GDA: variants seen among roughly 807,000 people sequenced by gnomAD.
GDA encodes cytoplasmic PSD-95 interactor.
GDA carries 18 observed loss-of-function variants against 59.6 expected under a neutral mutation model. The ratio of observed to expected loss-of-function variants is 0.30; its 90% CI spans 0.21 to 0.45. The LOEUF (loss-of-function observed/expected upper bound fraction) is 0.45, where lower values mean the gene tolerates loss of function less well. Ranked by LOEUF, GDA falls within the 20% of genes least tolerant of loss-of-function variation. GDA has a pLI of 1.00. For missense variants in GDA, 427 were observed against 552.3 expected (o/e 0.77, Z 2.27); for synonymous variants, 201 against 201.1 (o/e 1.00, Z 0.00).
At position 72,162,807 on chromosome 9, in the gene GDA, G is replaced by A. The variant is rs937133920; in HGVS notation, c.123+13125G>A. ...CCAGTAGCTGGGACTACAGGCGCCC[G>A]CCACCACAACCAGCTAATTTTTTGT... On this transcript the variant is annotated intron_variant, in intron 1 of 13. Transcript: ENST00000358399. Among the ~76,000 whole-genome samples, 5 of 151,978 alleles carry A rather than the reference G, an allele frequency of 3.3e-5. No individual in the cohort carries two copies. The South Asian group carries it at 8.3e-4, about 25-fold the overall frequency.
rs1240362348 is a variant in GDA at position 72,241,223 on chromosome 9, T to C, written c.1060T>C (p.Leu354=). 1.9e-6 allele frequency: 3 copies of C among 1,610,792 alleles called. No homozygotes were observed. The South Asian group carries it at 3.3e-5, about 18-fold the overall frequency. The change falls in exon 11 of 14, where the codon TTA becomes CTA. Residue 354 remains leucine (L), a synonymous_variant. Coordinates refer to ENST00000358399, the MANE Select transcript of GDA (RefSeq NM_004293.5). ...AGCAGTGATGGTTTCCAATATCCTT[T>C]TAATTAATAAGGTAAATGAGAAAAG... ...RRAVMVSNIL[L]INKVNEKSLT...
At chr9:72,228,521 C>A (rs1050389606) in intron 9 of GDA, 2 of 154,590 alleles carry the variant, frequency 1.3e-5, no homozygotes, top group Admixed American at 1.3e-4. Context: ...TTATAATTCC[C>A]CAGAATACAG....
At chr9:72,219,412 A>G in intron 5 of GDA, 67 bp from the exon 6 acceptor site, 1 of 1,191,128 alleles carries the variant, frequency 8.4e-7, no homozygotes, top group South Asian at 1.3e-5. Context: ...GAAGAAAAAA[A>G]TAATAATAAA....
intron 1 of GDA, among the ~76,000 whole-genome samples, chr9:72,124,731 A>G (rs1825785974): frequency 6.6e-6 from 1 of 152,074 alleles, no homozygotes; most frequent in Non-Finnish European, 1.5e-5. Flanking sequence ...ATGTTGTTAT[A>G]TGATGGAGGT....
downstream of GDA, among the ~76,000 whole-genome samples, chr9:72,256,679 T>A (rs1840890212): frequency 6.6e-6 from 1 of 152,208 alleles, no homozygotes; most frequent in East Asian, 1.9e-4. Context: ...ATGAAGTGGA[T>A]GAATCCAGTC....
intron 11 of GDA, 68 bp downstream of exon 11, chr9:72,241,366 A>G: frequency 1.8e-6 from 2 of 1,132,046 alleles, no homozygotes; most frequent in Non-Finnish European, 2.5e-6. Flanking sequence ...TGGATGTAGT[A>G]TGAAGATGCA....
At chr9:72,231,334 T>C (rs1838323086) in intron 10 of GDA, among the ~76,000 whole-genome samples, 153 bp downstream of exon 10, 1 of 152,004 alleles carries the variant, frequency 6.6e-6, no homozygotes, top group South Asian at 2.1e-4. Context: ...CCCAGCACTT[T>C]GGGAGGCTGA....
chr9:72,200,877 G>A (rs78913056), intron 2 of GDA, among the ~76,000 whole-genome samples: 4,034 of 152,190 alleles, frequency 0.027, 181 homozygotes, highest in African/African-American at 0.091. Context: ...CGTAGTGACC[G>A]AGAGTACTGA....
chr9:72,210,846 A>G (rs1835267974), intron 4 of GDA, 72 bp downstream of exon 4: 3 of 952,522 alleles, frequency 3.1e-6, no homozygotes, highest in Non-Finnish European at 5.1e-6. Flanking sequence ...AACAACTTAT[A>G]TGTACTTTTG....
intron 1 of GDA, among the ~76,000 whole-genome samples, chr9:72,176,486 G>C (rs976090775): frequency 6.6e-6 from 1 of 152,136 alleles, no homozygotes; most frequent in Non-Finnish European, 1.5e-5. Context: ...ACACCACATG[G>C]GTGTTTGAAA....
chr9:72,255,892 C>G (rs900958561), downstream of GDA, among the ~76,000 whole-genome samples: 9 of 152,186 alleles, frequency 5.9e-5, no homozygotes, highest in African/African-American at 1.9e-4. Context: ...GGGGGAAACT[C>G]ATGATGAGAC....
At chr9:72,223,263 AC>A (rs1399709492) in intron 7 of GDA, 36 bp downstream of exon 7, 2 of 1,118,964 alleles carry the variant, frequency 1.8e-6, no homozygotes, top group South Asian at 2.6e-5. Context: ...CTCTATGCAG[AC>A]CTGCAAGATT....
chr9:72,133,739 A>G (rs899890046), intron 1 of GDA, among the ~76,000 whole-genome samples: 1 of 152,212 alleles, frequency 6.6e-6, no homozygotes, highest in African/African-American at 2.4e-5. Context: ...TCTCCCAAAC[A>G]ATGCTAGAAA....
At chr9:72,212,640 G>C (rs1323316212) in intron 4 of GDA, among the ~76,000 whole-genome samples, 1 of 152,102 alleles carries the variant, frequency 6.6e-6, no homozygotes, top group African/African-American at 2.4e-5. Context: ...ACCACCTGGA[G>C]TAATCAGAGG....
chr9:72,250,826 G>C lies in GDA; in HGVS notation c.*2484G>C. 6.2e-7 allele frequency: 1 copy of C among 1,609,552 alleles called. No individual in the cohort carries two copies. The highest frequency in any genetic ancestry group is 8.5e-7 in the Non-Finnish European group (1 of 1,177,282). On this transcript the variant is annotated 3_prime_UTR_variant, in exon 14 of 14. Coordinates refer to ENST00000358399, the MANE Select transcript of GDA (RefSeq NM_004293.5). ...TTAATGTTCCATGGTATTTTCAACG[G>C]AATACACTTTGAAAGGTAAAAACAA...
At chr9:72,210,187 T>C (rs1835183864) in intron 3 of GDA, among the ~76,000 whole-genome samples, 1 of 152,222 alleles carries the variant, frequency 6.6e-6, no homozygotes, top group Non-Finnish European at 1.5e-5. Flanking sequence ...TGAAATGTTT[T>C]CTCTGCTCAT....
chr9:72,121,007 C>T (rs1174163682), intron 1 of GDA, among the ~76,000 whole-genome samples: 1 of 152,136 alleles, frequency 6.6e-6, no homozygotes, highest in African/African-American at 2.4e-5. Flanking sequence ...AGTCCCCTCT[C>T]CTTTATCTTC....
intron 1 of GDA, among the ~76,000 whole-genome samples, chr9:72,122,887 G>A (rs998089037): frequency 6.6e-6 from 1 of 152,128 alleles, no homozygotes; most frequent in African/African-American, 2.4e-5. Context: ...AGGTGGGAGT[G>A]GGGAGAAGAA....
In GDA at chr9:72,249,962, A is replaced by C. The variant is rs555676200; in HGVS notation, c.*1620A>C. On this transcript the variant is annotated 3_prime_UTR_variant, in exon 14 of 14. Coordinates refer to ENST00000358399, the MANE Select transcript of GDA (RefSeq NM_004293.5). Reference sequence around the variant, plus strand: ...TTAGATTTGATTATGTATACATGACACCTAAAGAGGGAACAAAAGTTAGTT... The same window carrying C: ...TTAGATTTGATTATGTATACATGACCCCTAAAGAGGGAACAAAAGTTAGTT... 28 of 951,026 alleles carry C rather than the reference A, an allele frequency of 2.9e-5. No individual in the cohort carries two copies. Among genetic ancestry groups the C allele is most frequent in the Non-Finnish European group, 3.4e-5 (27 of 798,736 alleles). 58.9% of individuals were successfully genotyped at this position (951,026 alleles called of 1,614,324 possible).
Sources: gnomAD v4.1 joint callset for allele counts (sites outside exome capture counted in the v4.1 genomes callset) on GRCh38, gnomAD v4.1.1 for gene constraint, MANE v1.5 for transcripts, NCBI Gene and HGNC (gene_info 2026-07-23, HGNC 2026-07-21) for gene names.